Variants in MBTD1 observed in about 807,000 individuals in gnomAD.
The protein encoded by MBTD1 is MBT domain-containing protein 1.
In MBTD1, 24 loss-of-function variants were observed where a neutral mutation model predicts 87.8. The observed-to-expected ratio is 0.27, with a 90% CI of 0.20 to 0.38. The LOEUF is 0.38. Ranked by LOEUF, MBTD1 falls within the 10% of genes least tolerant of loss-of-function variation. The pLI is 1.00. For missense variants in MBTD1, 436 were observed against 760.2 expected (o/e 0.57, Z 5.02); for synonymous variants, 237 against 248.6 (o/e 0.95, Z 0.44).
At chr17:51,185,184 C>A (rs566097785) in intron 16 of MBTD1, 2 of 152,180 alleles carry the variant, frequency 1.3e-5, no homozygotes, top group Non-Finnish European at 2.9e-5. Context: ...AGGTTTTCAA[C>A]ATACAAGACA....
upstream of MBTD1, chr17:51,260,453 T>G: frequency 3.1e-6 from 3 of 970,776 alleles, no homozygotes; most frequent in Non-Finnish European, 4.5e-6. Context: ...GAGGGAGTGC[T>G]GGTCACGTGG....
At position 51,179,190 on chromosome 17, in the gene MBTD1, A is replaced by C. The variant is rs2050189616; in HGVS notation, c.*1386T>G. 6.6e-6 allele frequency: 1 copy of C among 151,966 alleles called. No individual in the cohort carries two copies. The highest frequency in any genetic ancestry group is 2.1e-4 in the South Asian group (1 of 4,820). The allele number at this position is 151,966 out of a possible 1,614,324, so 9.4% of individuals were successfully genotyped here. On this transcript the variant is annotated 3_prime_UTR_variant, in exon 17 of 17. Transcript: ENST00000586178. ...TACCTATATTCCAGAGGAGATGGTC[A>C]ATATTACCACTCTGAAGAGGCCAGG...
chr17:51,255,223 G>A (rs552540931), intron 2 of MBTD1, among the ~76,000 whole-genome samples: 1 of 152,166 alleles, frequency 6.6e-6, no homozygotes, highest in African/African-American at 2.4e-5. Context: ...GGAGACTGCA[G>A]TGAGCCGAGC....
In MBTD1 at chr17:51,179,487, T is replaced by C. The variant is rs1258617048; in HGVS notation, c.*1089A>G. On this transcript the variant is annotated 3_prime_UTR_variant, in exon 17 of 17. Coordinates refer to ENST00000586178, the MANE Select transcript of MBTD1 (RefSeq NM_017643.3). Reference sequence around the variant, plus strand: ...CTGAATACAATTAAAGACAATTTTATATATATATATATATATATATATATA... The same window carrying C: ...CTGAATACAATTAAAGACAATTTTACATATATATATATATATATATATATA... 1 of 15,562 alleles carries C rather than the reference T, an allele frequency of 6.4e-5. No individual in the cohort carries two copies. Among genetic ancestry groups the C allele is most frequent in the Admixed American group, 7.3e-4 (1 of 1,366 alleles). The allele number at this position is 15,562 out of a possible 1,614,324, so 1.0% of individuals were successfully genotyped here.
chr17:51,250,401 T>C (rs568990384), intron 2 of MBTD1: 22 of 152,206 alleles, frequency 1.4e-4, no homozygotes, highest in Non-Finnish European at 2.9e-4. Flanking sequence ...ATGAAAGTCA[T>C]CCTTTTCGAG....
At chr17:51,258,432 T>G (rs1232625974) in intron 2 of MBTD1, among the ~76,000 whole-genome samples, 1 of 151,786 alleles carries the variant, frequency 6.6e-6, no homozygotes, top group Non-Finnish European at 1.5e-5. Flanking sequence ...ATAAGGAGAA[T>G]TAAAAATATT....
Position 51,195,273 on chromosome 17 carries a change from G to A in MBTD1, c.1313C>T (p.Pro438Leu). 1 of 1,613,512 alleles carries A rather than the reference G, an allele frequency of 6.2e-7. No individual in the cohort carries two copies. The highest frequency in any genetic ancestry group is 1.1e-5 in the South Asian group (1 of 90,984). The change falls in exon 13 of 17, where the codon CCT (proline) becomes CTT (leucine). Residue 438 changes from proline to leucine, a missense_variant. By Grantham distance (98) the Pro-to-Leu change is moderately conservative (BLOSUM62 -3). Around this residue, in one of 5 missense-constraint regions of MBTD1, gnomAD observed 268 missense variants for 401.8 expected, o/e 0.67. Coordinates refer to ENST00000586178, the MANE Select transcript of MBTD1 (RefSeq NM_017643.3). ...ACAGAAACCGACAGGGAAAATAGAA[G>A]GAGAGGTTGCATGGTAACAGAACCA... ...SDWFCYHATSPSIFPVGFCEI... is the reference protein window; with the variant it reads ...SDWFCYHATSLSIFPVGFCEI...
At chr17:51,260,749 C>A (rs756479587), upstream of MBTD1, 1 of 1,581,964 alleles carries the variant, frequency 6.3e-7, no homozygotes, top group Non-Finnish European at 8.6e-7. Flanking sequence ...CCCGGCCGAG[C>A]GCGGCGGCCG....
chr17:51,235,168 C>CTG (rs2053763536), intron 2 of MBTD1, among the ~76,000 whole-genome samples: 2 of 151,738 alleles, frequency 1.3e-5, no homozygotes, highest in South Asian at 4.2e-4. Flanking sequence ...CAGAGTCTCA[C>CTG]TGTGTTGTCC....
chr17:51,211,636 CTAATT>C (rs1172042488), intron 6 of MBTD1, among the ~76,000 whole-genome samples: 3 of 151,702 alleles, frequency 2.0e-5, no homozygotes, highest in African/African-American at 7.3e-5. Flanking sequence ...GTACCAGAAA[CTAATT>C]TAAGTTTTAT....
chr17:51,184,775 C>T (rs1400776455), intron 16 of MBTD1: 1 of 152,120 alleles, frequency 6.6e-6, no homozygotes, highest in South Asian at 2.1e-4. Flanking sequence ...AATATCCATA[C>T]TTAATTAAGT....
rs560559952 is a variant in MBTD1, at chr17:51,193,422, A to G, written c.1455+6T>C. 3 of 1,596,698 alleles carry G rather than the reference A, an allele frequency of 1.9e-6. No homozygotes were observed. Among genetic ancestry groups the G allele is most frequent in the Non-Finnish European group, 2.6e-6 (3 of 1,166,748 alleles). On this transcript the variant is annotated splice_donor_region_variant and intron_variant, in intron 14 of 16. Coordinates refer to ENST00000586178, the MANE Select transcript of MBTD1 (RefSeq NM_017643.3). ...CTCACATAATTATGCTGCCATTTAA[A>G]TTTACCTTATTAAATAGTTTTACTG...
intron 2 of MBTD1, among the ~76,000 whole-genome samples, chr17:51,231,394 G>C (rs771876361): frequency 1.3e-5 from 2 of 152,012 alleles, no homozygotes; most frequent in Non-Finnish European, 2.9e-5. Context: ...ATTTCAGGAG[G>C]TCAATGACTA....
chr17:51,196,632 C>T (rs2145132331), intron 12 of MBTD1, among the ~76,000 whole-genome samples: 1 of 151,900 alleles, frequency 6.6e-6, no homozygotes, highest in East Asian at 2.0e-4. Flanking sequence ...TAGCTCATGC[C>T]TGTAATCTCA....
intron 13 of MBTD1, 39 bp downstream of exon 13, chr17:51,195,175 C>T (rs753935081): frequency 6.3e-7 from 1 of 1,576,032 alleles, no homozygotes; most frequent in Middle Eastern, 1.7e-4. Flanking sequence ...AAGAAGAAAG[C>T]AACAATTAAA....
intron 6 of MBTD1, among the ~76,000 whole-genome samples, chr17:51,211,531 G>C (rs548294037): frequency 6.7e-6 from 1 of 149,956 alleles, no homozygotes; most frequent in South Asian, 2.1e-4. Flanking sequence ...AGACAAGACA[G>C]GTGATGTTTA....
chr17:51,200,271 T>C (rs1402414440), intron 12 of MBTD1, among the ~76,000 whole-genome samples: 2 of 152,104 alleles, frequency 1.3e-5, no homozygotes, highest in Non-Finnish European at 2.9e-5. Flanking sequence ...CTTAAAAAAA[T>C]GCCAATGTTA....
At position 51,258,769 on chromosome 17, in the gene MBTD1, C is replaced by A. The variant is rs149184079; in HGVS notation, c.-49+374G>T. 7.2e-5 allele frequency among the ~76,000 whole-genome samples: 11 copies of A among 152,312 alleles called. 2 individuals are homozygous for A. The highest frequency in any genetic ancestry group is 2.6e-4 in the African/African-American group (11 of 41,570). Reference sequence around the variant, plus strand: ...AGATGCACTCCTAAGAGAAAACAGGCACGAAATTCCCATATTGTAATTCTT... The same window carrying A: ...AGATGCACTCCTAAGAGAAAACAGGAACGAAATTCCCATATTGTAATTCTT... On this transcript the variant is annotated intron_variant, in intron 2 of 16. Transcript: ENST00000586178.
chr17:51,245,838 T>C (rs563266747), intron 2 of MBTD1, among the ~76,000 whole-genome samples: 1 of 152,286 alleles, frequency 6.6e-6, no homozygotes, highest in African/African-American at 2.4e-5. Flanking sequence ...GCATGTTTAT[T>C]TTTCCAAGTG....
Sources: allele counts gnomAD v4.1 joint callset (sites outside exome capture counted in the v4.1 genomes callset), GRCh38; gene constraint gnomAD v4.1.1; regional missense constraint gnomAD v4.1.1; transcripts MANE v1.5; gene names NCBI Gene and HGNC (gene_info 2026-07-23, HGNC 2026-07-21).